Variants in PLSCR1 observed in about 807,000 individuals in gnomAD.
The protein encoded by PLSCR1 is phospholipid scramblase 1.
In PLSCR1, 17 loss-of-function variants were observed where a neutral mutation model predicts 37.8. That is an observed-to-expected ratio of 0.45 (90% CI 0.31 to 0.68). The LOEUF is 0.68. PLSCR1 is among the 30% of genes least tolerant of loss of function. The probability of loss-of-function intolerance (pLI) is 0.06; values close to 1 mark genes in which losing one functional copy is unlikely to be tolerated. For missense variants in PLSCR1, 347 were observed against 380.9 expected, an observed-to-expected ratio of 0.91 and a Z score of 0.74; for synonymous variants, 116 against 125.9, an observed-to-expected ratio of 0.92 and a Z score of 0.53.
chr3:146,532,736 G>A (rs2044216312), intron 3 of PLSCR1, among the ~76,000 whole-genome samples: 2 of 152,134 alleles, frequency 1.3e-5, no homozygotes, highest in African/African-American at 2.4e-5. Flanking sequence ...CTGTCTGCTT[G>A]TAAATCTGGA....
At chr3:146,537,691 T>C (rs901677106) in intron 1 of PLSCR1, among the ~76,000 whole-genome samples, 2 of 151,966 alleles carry the variant, frequency 1.3e-5, no homozygotes, top group Non-Finnish European at 2.9e-5. Context: ...CTGGGCAACA[T>C]GGACAGACAC....
At chr3:146,543,154 A>G (rs16858471) in intron 1 of PLSCR1, among the ~76,000 whole-genome samples, 7,618 of 152,150 alleles carry the variant, frequency 0.05, 640 homozygotes, top group African/African-American at 0.17. Flanking sequence ...TCCCTCATTC[A>G]AGTAAAGGAA....
At chr3:146,525,449 T>C (rs952219801) in intron 5 of PLSCR1, 156 bp downstream of exon 5, 3 of 559,770 alleles carry the variant, frequency 5.4e-6, no homozygotes, top group Admixed American at 4.0e-5. Context: ...GATTCCTAAA[T>C]TTTAGAAATG....
intron 4 of PLSCR1, among the ~76,000 whole-genome samples, chr3:146,526,925 A>T (rs984661037): frequency 6.6e-6 from 1 of 152,298 alleles, no homozygotes; most frequent in East Asian, 1.9e-4. Flanking sequence ...GCGGATCACA[A>T]GTTCAGGAGT....
At chr3:146,538,092 T>C (rs2044290065) in intron 1 of PLSCR1, 1 of 152,202 alleles carries the variant, frequency 6.6e-6, no homozygotes, top group South Asian at 2.1e-4. Context: ...TCCCAGATTT[T>C]CTTAGGACAA....
intron 7 of PLSCR1, among the ~76,000 whole-genome samples, chr3:146,520,745 A>G (rs145589225): frequency 0.028 from 4,234 of 152,272 alleles, 92 homozygotes; most frequent in Non-Finnish European, 0.037. Flanking sequence ...TAGAGTTCCC[A>G]TGTCATTATT....
intron 3 of PLSCR1, among the ~76,000 whole-genome samples, chr3:146,530,016 T>C (rs1560086631): frequency 6.6e-6 from 1 of 152,214 alleles, no homozygotes; most frequent in South Asian, 2.1e-4. Context: ...GAAACAAGGA[T>C]GGCAAAAAAT....
chr3:146,522,808 A>G (rs1354822368), intron 5 of PLSCR1, among the ~76,000 whole-genome samples: 2 of 152,222 alleles, frequency 1.3e-5, no homozygotes, highest in African/African-American at 4.8e-5. Flanking sequence ...GCCCAATTGT[A>G]TATTCCATCT....
intron 5 of PLSCR1, among the ~76,000 whole-genome samples, chr3:146,522,416 T>C (rs1275436900): frequency 4.0e-5 from 6 of 148,814 alleles, no homozygotes; most frequent in African/African-American, 1.5e-4. Flanking sequence ...CCCTGAAACA[T>C]GTGCTGTGTC....
chr3:146,519,413 A>T (rs1348178486), intron 7 of PLSCR1, among the ~76,000 whole-genome samples: 2 of 152,122 alleles, frequency 1.3e-5, no homozygotes, highest in Non-Finnish European at 2.9e-5. Context: ...TTCAGATTTC[A>T]AGCTCATAGA....
At chr3:146,518,323 C>T (rs953314690) in intron 7 of PLSCR1, among the ~76,000 whole-genome samples, 2 of 151,220 alleles carry the variant, frequency 1.3e-5, no homozygotes, top group African/African-American at 4.9e-5. Context: ...ACAAATCTAC[C>T]TGGAGCAGAT....
At chr3:146,540,368 AC>A (rs1378036994) in intron 1 of PLSCR1, among the ~76,000 whole-genome samples, 2 of 152,132 alleles carry the variant, frequency 1.3e-5, no homozygotes, top group Non-Finnish European at 2.9e-5. Flanking sequence ...GCTTCTCTGG[AC>A]TATTTGATAA....
chr3:146,524,335 C>T (rs886690784), intron 5 of PLSCR1, among the ~76,000 whole-genome samples: 1 of 151,506 alleles, frequency 6.6e-6, no homozygotes, highest in Non-Finnish European at 1.5e-5. Flanking sequence ...AAGTAAGTGC[C>T]TAGTTTATGC....
In PLSCR1 at chr3:146,528,774, G is replaced by A; in HGVS notation, c.152C>T (p.Ala51Val). The A allele has an allele frequency of 6.2e-7, 1 of 1,614,168 alleles. No individual in the cohort carries two copies. Among genetic ancestry groups the A allele is most frequent in the Non-Finnish European group, 8.5e-7 (1 of 1,180,022 alleles). The change falls in exon 4 of 9, where the codon GCC becomes GTC. Residue 51 changes from alanine (A) to valine (V), a missense_variant. Coordinates refer to ENST00000342435, the MANE Select transcript of PLSCR1 (RefSeq NM_021105.3). The stretch of plus-strand genomic sequence containing the variant: ...AGCTGGGCCAGGACCTGAATGGCCG[G>A]CTGGTGGGGGTGGGTAGCTGACCTG... Reference protein sequence around the residue: ...GPQVSYPPPPAGHSGPGPAGF... With the variant: ...GPQVSYPPPPVGHSGPGPAGF...
At chr3:146,532,718 T>A (rs1287616335) in intron 3 of PLSCR1, among the ~76,000 whole-genome samples, 1 of 152,220 alleles carries the variant, frequency 6.6e-6, no homozygotes, top group Non-Finnish European at 1.5e-5. Flanking sequence ...TTTCAAGATG[T>A]GGGTAGCCTG....
In PLSCR1 at chr3:146,543,332, C is replaced by T. The variant is rs570514593; in HGVS notation, c.-14+1135G>A. On this transcript the variant is annotated intron_variant, in intron 1 of 8. Transcript: ENST00000342435. The stretch of plus-strand genomic sequence containing the variant: ...TCTATAAACCAGCTATTTTACATGC[C>T]ACTTTTCTATCCAATTGCATAAATC... Among the ~76,000 whole-genome samples, 4 of 151,932 alleles carry T rather than the reference C, an allele frequency of 2.6e-5. No individual in the cohort carries two copies. The East Asian group carries it at 7.8e-4, about 30-fold the overall frequency.
At chr3:146,526,183 CAAAAAAAAAAAA>C (rs60229241) in intron 4 of PLSCR1, among the ~76,000 whole-genome samples, 1 of 42,822 alleles carries the variant, frequency 2.3e-5, no homozygotes. Context: ...GACTCCATCT[CAAAAAAAAAAAA>C]AAAAAAAAAG....
At chr3:146,526,201 A>AG (rs1366406767) in intron 4 of PLSCR1, among the ~76,000 whole-genome samples, 170 of 148,332 alleles carry the variant, frequency 1.1e-3, no homozygotes, top group Non-Finnish European at 2.1e-3. Context: ...AAAAAAAAAA[A>AG]AAAGAAAGAA....
chr3:146,531,317 C>G (rs1314515284), intron 3 of PLSCR1, among the ~76,000 whole-genome samples: 1 of 152,172 alleles, frequency 6.6e-6, no homozygotes, highest in African/African-American at 2.4e-5. Context: ...AAAGAGAGAG[C>G]ATGGAAAAGG....
Sources: allele counts gnomAD v4.1 joint callset (sites outside exome capture counted in the v4.1 genomes callset), GRCh38; gene constraint gnomAD v4.1.1; transcripts MANE v1.5; gene names NCBI Gene and HGNC (gene_info 2026-07-23, HGNC 2026-07-21).